The following PLCE1 variants were observed in gnomAD, a reference collection of about 807,000 sequenced individuals.
The protein encoded by PLCE1 is phospholipase C epsilon 1.
PLCE1 carries 119 observed loss-of-function variants against 242.8 expected under a neutral mutation model. The ratio of observed to expected loss-of-function variants is 0.49; its 90% CI spans 0.42 to 0.57. The LOEUF is 0.57. Among genes scored for constraint, PLCE1 ranks in the 20% least tolerant of loss-of-function variants. The probability of loss-of-function intolerance (pLI) is 0.00; values close to 1 mark genes in which losing one functional copy is unlikely to be tolerated. For missense variants in PLCE1, 2,441 were observed against 2,788.8 expected (o/e 0.88, Z 2.81); for synonymous variants, 945 against 1,017.4 (o/e 0.93, Z 1.35).
intron 4 of PLCE1, among the ~76,000 whole-genome samples, chr10:94,224,741 C>A (rs2049881247): frequency 6.6e-6 from 1 of 152,186 alleles, no homozygotes; most frequent in Non-Finnish European, 1.5e-5. Context: ...GATGGATGCA[C>A]CAATGACTCA....
intron 20 of PLCE1, among the ~76,000 whole-genome samples, chr10:94,280,804 C>CGGG (rs1247620395): frequency 4.6e-5 from 7 of 152,186 alleles, no homozygotes; most frequent in Non-Finnish European, 5.9e-5. Context: ...AACTGAGCCC[C>CGGG]CTCCTCCAAA....
chr10:94,324,048 A>ACT (rs1367465563), intron 30 of PLCE1, among the ~76,000 whole-genome samples: 1 of 152,140 alleles, frequency 6.6e-6, no homozygotes, highest in African/African-American at 2.4e-5. Flanking sequence ...CTTTATTGTT[A>ACT]CTATTATAGC....
chr10:94,256,560 A>C (rs1377519631), intron 11 of PLCE1, among the ~76,000 whole-genome samples: 1 of 152,122 alleles, frequency 6.6e-6, no homozygotes, highest in Non-Finnish European at 1.5e-5. Context: ...ATTCATAACA[A>C]AACTAAAAGT....
intron 11 of PLCE1, among the ~76,000 whole-genome samples, 164 bp downstream of exon 11, chr10:94,255,213 A>G (rs1007671268): frequency 2.0e-5 from 3 of 152,180 alleles, no homozygotes; most frequent in African/African-American, 2.4e-5. Flanking sequence ...TAATTCTCCC[A>G]ATTTTGTACT....
At chr10:94,108,026 G>T (rs2045820308) in intron 2 of PLCE1, among the ~76,000 whole-genome samples, 2 of 152,154 alleles carry the variant, frequency 1.3e-5, no homozygotes, top group Admixed American at 1.3e-4. Context: ...ATGGACCAAG[G>T]CTCCACCATT....
At chr10:94,103,749 G>A (rs561653215) in intron 2 of PLCE1, among the ~76,000 whole-genome samples, 1 of 152,172 alleles carries the variant, frequency 6.6e-6, no homozygotes, top group African/African-American at 2.4e-5. Flanking sequence ...TTACCCACAC[G>A]GTGTGTGTGC....
At chr10:94,172,708 C>G (rs1395038826) in intron 4 of PLCE1, among the ~76,000 whole-genome samples, 5 of 152,142 alleles carry the variant, frequency 3.3e-5, no homozygotes, top group Admixed American at 6.5e-5. Context: ...CCTGCAGTCC[C>G]AGCTACTGTG....
intron 4 of PLCE1, among the ~76,000 whole-genome samples, chr10:94,196,501 G>A (rs2048825827): frequency 6.6e-6 from 1 of 152,122 alleles, no homozygotes; most frequent in Non-Finnish European, 1.5e-5. Context: ...GACTTAGAGA[G>A]AGGGCCAGGC....
At chr10:94,253,772 A>G (rs780097753) in intron 9 of PLCE1, among the ~76,000 whole-genome samples, 14 of 152,126 alleles carry the variant, frequency 9.2e-5, no homozygotes, top group Non-Finnish European at 2.9e-5. Flanking sequence ...AACACCTCCC[A>G]CTAGGCCCCA....
intron 2 of PLCE1, among the ~76,000 whole-genome samples, chr10:94,126,577 A>G (rs1195894077): frequency 2.0e-5 from 3 of 152,212 alleles, no homozygotes; most frequent in Non-Finnish European, 4.4e-5. Flanking sequence ...GAATGCTCAC[A>G]TAGCTGTCTA....
intron 28 of PLCE1, among the ~76,000 whole-genome samples, chr10:94,315,661 C>T (rs1392995473): frequency 1.3e-5 from 2 of 150,710 alleles, no homozygotes; most frequent in African/African-American, 4.9e-5. Context: ...CCCAGCTACT[C>T]GGGAGGCTGA....
intron 4 of PLCE1, among the ~76,000 whole-genome samples, chr10:94,213,346 T>C (rs2049408743): frequency 6.6e-6 from 1 of 152,184 alleles, no homozygotes; most frequent in Non-Finnish European, 1.5e-5. Flanking sequence ...TGTGATGTGG[T>C]TTAATCCCAG....
intron 2 of PLCE1, among the ~76,000 whole-genome samples, chr10:94,055,701 A>G (rs1300313186): frequency 6.6e-6 from 1 of 152,174 alleles, no homozygotes; most frequent in Non-Finnish European, 1.5e-5. Context: ...AGTGTACTTA[A>G]TCTCTCTGAT....
chr10:94,166,903 G>A (rs188151933), intron 3 of PLCE1, among the ~76,000 whole-genome samples: 1 of 152,168 alleles, frequency 6.6e-6, no homozygotes, highest in African/African-American at 2.4e-5. Flanking sequence ...CATGAGAAAG[G>A]GTGATTATGA....
At chr10:94,012,067 G>A (rs2061179760) in intron 1 of PLCE1, among the ~76,000 whole-genome samples, 1 of 152,150 alleles carries the variant, frequency 6.6e-6, no homozygotes, top group Non-Finnish European at 1.5e-5. Context: ...GCCCTGCCAG[G>A]TGTTCAGGAA....
At chr10:94,005,636 C>T (rs1027235847) in intron 1 of PLCE1, among the ~76,000 whole-genome samples, 1 of 152,190 alleles carries the variant, frequency 6.6e-6, no homozygotes, top group Non-Finnish European at 1.5e-5. Context: ...AGCTGCATAT[C>T]GGGTTGGCTG....
chr10:94,031,117 C>A lies in PLCE1; in HGVS notation c.71C>A (p.Ser24Ter). ...VTQRKVVSAQ[S>*]AADESSEKVS... is the part of the protein sequence containing the mutation. ...CAGAGAAAAGTGGTTTCTGCCCAGT[C>A]GGCTGCAGATGAAAGTAGTGAAAAG... The change falls in exon 2 of 33, where the codon TCG becomes TAG. Residue 24 changes from serine to a stop codon, truncating the protein, a stop_gained. Transcript: ENST00000371380. LOFTEE classifies it high-confidence loss of function. 3 of 1,613,660 alleles carry A rather than the reference C, an allele frequency of 1.9e-6. No individual in the cohort carries two copies. Among genetic ancestry groups the A allele is most frequent in the Non-Finnish European group, 2.5e-6 (3 of 1,179,702 alleles).
chr10:94,296,089 G>A (rs764543825), intron 23 of PLCE1, among the ~76,000 whole-genome samples: 8 of 152,150 alleles, frequency 5.3e-5, no homozygotes, highest in Non-Finnish European at 8.8e-5. Flanking sequence ...TTGGCCGGGT[G>A]TGGTGGCTCA....
At chr10:94,099,284 C>G (rs773846896) in intron 2 of PLCE1, among the ~76,000 whole-genome samples, 3 of 152,136 alleles carry the variant, frequency 2.0e-5, no homozygotes, top group Admixed American at 6.5e-5. Context: ...GACTTTAAAC[C>G]CTGCTTCCTT....
Sources: gnomAD v4.1 joint callset for allele counts (sites outside exome capture counted in the v4.1 genomes callset) on GRCh38, gnomAD v4.1.1 for gene constraint, MANE v1.5 for transcripts, NCBI Gene and HGNC (gene_info 2026-07-23, HGNC 2026-07-21) for gene names.